SLC5A4: variants seen among roughly 807,000 people sequenced by gnomAD.
SLC5A4 encodes the protein probable glucose sensor protein SLC5A4.
Under a neutral mutation model 70.3 loss-of-function variants are expected in SLC5A4, and 55 were observed. The ratio of observed to expected loss-of-function variants is 0.78; its 90% confidence interval spans 0.63 to 0.98. The LOEUF (loss-of-function observed/expected upper bound fraction) is 0.98. Ranked by LOEUF, SLC5A4 falls within the 50% of genes least tolerant of loss-of-function variation. The pLI is 0.00. For missense variants in SLC5A4, 735 were observed against 839.2 expected, an observed-to-expected ratio of 0.88 and a Z score of 1.53; for synonymous variants, 268 against 305.7, an observed-to-expected ratio of 0.88 and a Z score of 1.29.
At chr22:32,341,426 T>C in the SLC5A4 span, among the ~76,000 whole-genome samples, 8,561 of 152,250 alleles carry the variant, frequency 0.056, 251 homozygotes, top group South Asian at 0.084. Context: ...AGGCTCTGCC[T>C]ATGCTGCCCT....
At chr22:32,244,608 T>C (rs1926716642) in intron 5 of SLC5A4, among the ~76,000 whole-genome samples, 1 of 152,186 alleles carries the variant, frequency 6.6e-6, no homozygotes, top group Non-Finnish European at 1.5e-5. Context: ...TCTTAGCTCA[T>C]TATAACTTAG....
At chr22:32,275,489 T>A in the SLC5A4 span, among the ~76,000 whole-genome samples, 1 of 152,306 alleles carries the variant, frequency 6.6e-6, no homozygotes. Context: ...GTCCTTGCGA[T>A]AGTTTGCTGA....
intron 5 of SLC5A4, 32 bp downstream of exon 5, chr22:32,247,379 G>T: frequency 7.2e-7 from 1 of 1,390,190 alleles, no homozygotes; most frequent in Non-Finnish European, 1.0e-6. Context: ...CCAACCTCTT[G>T]AAGCTAAAAT....
At chr22:32,349,038 C>T in the SLC5A4 span, among the ~76,000 whole-genome samples, 5,023 of 152,168 alleles carry the variant, frequency 0.033, 240 homozygotes, top group African/African-American at 0.11. Context: ...TGCAGTGGTG[C>T]GATTCGGCTC....
At chr22:32,317,949 G>A in the SLC5A4 span, among the ~76,000 whole-genome samples, 1 of 152,052 alleles carries the variant, frequency 6.6e-6, no homozygotes, top group Non-Finnish European at 1.5e-5. Context: ...CAACTTCTCT[G>A]CAGAATTTGC....
the SLC5A4 span, among the ~76,000 whole-genome samples, chr22:32,310,831 C>A: frequency 6.6e-6 from 1 of 152,236 alleles, no homozygotes; most frequent in Non-Finnish European, 1.5e-5. Context: ...GCTTTATGCC[C>A]TAGCAAGTTT....
At chr22:32,332,717 A>G in the SLC5A4 span, among the ~76,000 whole-genome samples, 5 of 152,120 alleles carry the variant, frequency 3.3e-5, 1 homozygote, top group South Asian at 1.0e-3. Context: ...CCTGACGTTC[A>G]GACACTTCTC....
chr22:32,274,020 C>A, the SLC5A4 span, among the ~76,000 whole-genome samples: 4 of 150,770 alleles, frequency 2.7e-5, no homozygotes, highest in Non-Finnish European at 4.4e-5. Context: ...CCACTTTTGG[C>A]ATGTTAACAT....
the SLC5A4 span, among the ~76,000 whole-genome samples, chr22:32,281,176 G>A: frequency 2.6e-5 from 4 of 152,328 alleles, no homozygotes; most frequent in South Asian, 2.1e-4. Context: ...TTCATGTCAC[G>A]TCTTGCTGCC....
the SLC5A4 span, chr22:32,284,934 T>C: frequency 2.6e-5 from 4 of 152,190 alleles, no homozygotes; most frequent in African/African-American, 9.6e-5. Flanking sequence ...TGTCTGTGGG[T>C]AACATTTTGT....
the SLC5A4 span, among the ~76,000 whole-genome samples, chr22:32,345,988 G>A: frequency 6.6e-6 from 1 of 152,118 alleles, no homozygotes; most frequent in South Asian, 2.1e-4. Flanking sequence ...TACTTTCCAA[G>A]CTACTGGAAA....
At chr22:32,325,232 C>G in the SLC5A4 span, among the ~76,000 whole-genome samples, 2 of 152,266 alleles carry the variant, frequency 1.3e-5, no homozygotes, top group East Asian at 3.8e-4. Flanking sequence ...GGGCTCAGAA[C>G]TGAGTCAGGT....
At chr22:32,308,089 CTAGA>C in the SLC5A4 span, among the ~76,000 whole-genome samples, 1 of 152,000 alleles carries the variant, frequency 6.6e-6, no homozygotes, top group Admixed American at 6.5e-5. Flanking sequence ...ACCTACCTAC[CTAGA>C]GTCACTCTGT....
the SLC5A4 span, among the ~76,000 whole-genome samples, chr22:32,265,524 T>C: frequency 0.013 from 1,951 of 152,320 alleles, 21 homozygotes; most frequent in South Asian, 0.037. Flanking sequence ...GTGGATCCAA[T>C]AGTAATTATT....
chr22:32,347,155 A>G, the SLC5A4 span, among the ~76,000 whole-genome samples: 3 of 152,230 alleles, frequency 2.0e-5, no homozygotes, highest in Admixed American at 1.3e-4. Flanking sequence ...TCACAATGAG[A>G]TACCATCTCA....
the SLC5A4 span, among the ~76,000 whole-genome samples, chr22:32,353,710 G>A: frequency 2.6e-5 from 4 of 151,862 alleles, no homozygotes; most frequent in African/African-American, 9.7e-5. Flanking sequence ...CCTTGCTTCG[G>A]ACACTGCAGC....
chr22:32,278,581 A>C, the SLC5A4 span, among the ~76,000 whole-genome samples: 3 of 152,232 alleles, frequency 2.0e-5, no homozygotes, highest in Admixed American at 6.5e-5. Context: ...TTTTGGGAAA[A>C]TATTCTGAAG....
chr22:32,290,049 G>T, the SLC5A4 span, among the ~76,000 whole-genome samples: 1 of 150,296 alleles, frequency 6.7e-6, no homozygotes, highest in Non-Finnish European at 1.5e-5. Context: ...TAAATGTTTG[G>T]TTGAATTTGT....
chr22:32,229,459 A>G, intron 10 of SLC5A4, 115 bp from the exon 11 acceptor site: 6 of 984,662 alleles, frequency 6.1e-6, no homozygotes, highest in Non-Finnish European at 8.8e-6. Context: ...TGATGTCCTT[A>G]TCAATACACA....
Sources: allele counts gnomAD v4.1 joint callset (sites outside exome capture counted in the v4.1 genomes callset), GRCh38; gene constraint gnomAD v4.1.1; transcripts MANE v1.5; gene names NCBI Gene and HGNC (gene_info 2026-07-23, HGNC 2026-07-21).